PROC: variants seen among roughly 807,000 people sequenced by gnomAD.
PROC encodes the protein protein C, inactivator of coagulation factors Va and VIIIa, also known as vitamin K-dependent protein C.
In PROC, 22 loss-of-function variants were observed where a neutral mutation model predicts 36.3. That is an observed-to-expected ratio of 0.61 (90% CI 0.43 to 0.86). The LOEUF (loss-of-function observed/expected upper bound fraction) is 0.86. Ranked by LOEUF, PROC falls within the 40% of genes least tolerant of loss-of-function variation. The probability of loss-of-function intolerance (pLI) is 0.00; values close to 1 mark genes in which losing one functional copy is unlikely to be tolerated. For synonymous variants in PROC, 218 were observed against 244.5 expected (o/e 0.89, Z 1.01); for missense variants, 526 against 629.7 (o/e 0.84, Z 1.76).
Position 127,422,897 on chromosome 2 carries a change from G to C in PROC, c.238-20G>C. On this transcript the variant is annotated intron_variant, in intron 3 of 8. Coordinates refer to ENST00000234071, the MANE Select transcript of PROC (RefSeq NM_000312.4). The stretch of plus-strand genomic sequence containing the variant: ...CGCACACCGGCTGCAGGAGCCTGAC[G>C]CTGCCCGCTCTCTCCGCAGCTGGCC... 3.9e-6 allele frequency: 6 copies of C among 1,554,922 alleles called. No individual in the cohort carries two copies. Among genetic ancestry groups the C allele is most frequent in the Non-Finnish European group, 5.2e-6 (6 of 1,150,128 alleles).
rs1688249199 is a variant in PROC, at chr2:127,423,316, C to T, written c.443C>T (p.Thr148Met). The change falls in exon 6 of 9, where the codon ACG becomes ATG. Residue 148 changes from threonine (T) to methionine (M), a missense_variant. Coordinates refer to ENST00000234071, the MANE Select transcript of PROC (RefSeq NM_000312.4). The stretch of plus-strand genomic sequence containing the variant: ...TGCTCGCTGGACAACGGCGGCTGCA[C>T]GCATTACTGCCTAGAGGAGGTGGGC... ...LNCSLDNGGC[T>M]HYCLEEVGWR... is the part of the protein sequence containing the mutation. 8 of 1,550,060 alleles carry T rather than the reference C, an allele frequency of 5.2e-6. No individual in the cohort carries two copies. The highest frequency in any genetic ancestry group is 7.0e-6 in the Non-Finnish European group (8 of 1,146,950).
chr2:127,425,064 G>C (rs1047025541), intron 6 of PROC, among the ~76,000 whole-genome samples: 1 of 152,256 alleles, frequency 6.6e-6, no homozygotes, highest in Non-Finnish European at 1.5e-5. Flanking sequence ...ACCTTCTGCA[G>C]GCAGGGAGAG....
At position 127,427,090 on chromosome 2, in the gene PROC, C is replaced by T; in HGVS notation, c.679-15C>T. ...GGAGGCAGCCCTGTGATGTCATCAT[C>T]CCACCCCATTCCAGGTGGTCCTGCT... On this transcript the variant is annotated splice_polypyrimidine_tract_variant and intron_variant, in intron 7 of 8. Coordinates refer to ENST00000234071, the MANE Select transcript of PROC (RefSeq NM_000312.4). The T allele has an allele frequency of 3.1e-6, 5 of 1,609,672 alleles. No homozygotes were observed. Among genetic ancestry groups the T allele is most frequent in the Middle Eastern group, 1.7e-4 (1 of 6,056 alleles).
chr2:127,419,700 C>G, intron 1 of PROC: 1 of 1,069,586 alleles, frequency 9.3e-7, no homozygotes. Flanking sequence ...CCACTGCATT[C>G]TGGAGCTGCT....
chr2:127,419,999 A>G lies in PROC; in HGVS notation c.57A>G (p.Thr19=). Residue 19 remains threonine, a synonymous_variant, in exon 2 of 9, where the codon ACA becomes ACG. Coordinates refer to ENST00000234071, the MANE Select transcript of PROC (RefSeq NM_000312.4). ...TGGCCACCTGGGGAATTTCCGGCAC[A>G]CCAGCTCCTCTTGGTAAGGCCACCC... ...LFVATWGISG[T]PAPLDSVFSS... The G allele has an allele frequency of 6.2e-7, 1 of 1,613,516 alleles. No homozygotes were observed. The highest frequency in any genetic ancestry group is 8.5e-7 in the Non-Finnish European group (1 of 1,179,986).
intron 6 of PROC, among the ~76,000 whole-genome samples, chr2:127,425,569 T>A (rs2069939): frequency 6.6e-6 from 1 of 152,192 alleles, no homozygotes; most frequent in Non-Finnish European, 1.5e-5. Context: ...CTCAGCAGCA[T>A]CCCATTATGA....
At chr2:127,424,680 A>T (rs536609347) in intron 6 of PROC, among the ~76,000 whole-genome samples, 13 of 148,768 alleles carry the variant, frequency 8.7e-5, no homozygotes, top group African/African-American at 3.1e-4. Context: ...CTCTATTTTT[A>T]AAAAAAGTAA....
rs1320467000 is a variant in PROC at position 127,426,675 on chromosome 2, C to CTCTGCAAGGG, written c.679-427_679-418dup. 3.0e-6 allele frequency: 1 copy of CTCTGCAAGGG among 328,966 alleles called. No homozygotes were observed. The highest frequency in any genetic ancestry group is 2.1e-5 in the African/African-American group (1 of 46,796). 20.4% of individuals were successfully genotyped at this position (328,966 alleles called of 1,614,324 possible). A position where few individuals can be genotyped will look rare whatever the true frequency, so the allele number is the denominator to read the frequency against. The stretch of plus-strand genomic sequence containing the variant: ...GGAGTATTTGCCCTGGGGACTCAGA[C>CTCTGCAAGGG]TCTGCAAGGGTCAGGACCCCAAAGA... On this transcript the variant is annotated intron_variant, in intron 7 of 8. Coordinates refer to ENST00000234071, the MANE Select transcript of PROC (RefSeq NM_000312.4). This position sits in a 1 kb window ranked among gnomAD's most constrained non-coding sequence, Gnocchi z 7.0.
rs936924176 is a variant in PROC, at chr2:127,429,240, G to A, written c.*294G>A. 13 of 389,438 alleles carry A rather than the reference G, an allele frequency of 3.3e-5. No homozygotes were observed. The highest frequency in any genetic ancestry group is 8.7e-5 in the South Asian group (3 of 34,596). The allele number at this position is 389,438 out of a possible 1,614,324, so 24.1% of individuals were successfully genotyped here. ...GAAAAAGAATAAAAAACACAACCAC[G>A]AAGCCACTAGAGCCTTTTCCAGGGC... is the stretch of plus-strand genomic sequence containing the variant. On this transcript the variant is annotated 3_prime_UTR_variant, in exon 9 of 9. Coordinates refer to ENST00000234071, the MANE Select transcript of PROC (RefSeq NM_000312.4).
Position 127,418,814 on chromosome 2 carries a change from A to G in PROC, c.-22+322A>G, listed in dbSNP as rs1322396596. On this transcript the variant is annotated intron_variant, in intron 1 of 8. Coordinates refer to ENST00000234071, the MANE Select transcript of PROC (RefSeq NM_000312.4). This position sits in a 1 kb window ranked among gnomAD's most constrained non-coding sequence, Gnocchi z 4.8. ...GGTGTCGGATTTGAACAAATCTCAG[A>G]AGTGGCCTCAGAGGGAGTCGGCAAG... is the stretch of plus-strand genomic sequence containing the variant. 6.6e-6 allele frequency among the ~76,000 whole-genome samples: 1 copy of G among 152,206 alleles called. No individual in the cohort carries two copies. The highest frequency in any genetic ancestry group is 1.5e-5 in the Non-Finnish European group (1 of 68,028).
chr2:127,425,825 T>C (rs753358050), intron 6 of PROC, among the ~76,000 whole-genome samples: 1 of 152,180 alleles, frequency 6.6e-6, no homozygotes, highest in Non-Finnish European at 1.5e-5. Flanking sequence ...TAACAACCTA[T>C]GTAAGGACAC....
chr2:127,428,307 TGGGGAGA>T, intron 8 of PROC, 43 bp from the exon 9 acceptor site: 1 of 1,575,452 alleles, frequency 6.3e-7, no homozygotes, highest in Non-Finnish European at 8.7e-7. Flanking sequence ...AAAGTGCCAC[TGGGGAGA>T]GGCTCCCCGC....
At position 127,423,266 on chromosome 2, in the gene PROC, GC is replaced by G. The variant is rs1163598650; in HGVS notation, c.401-5del. 6.5e-7 allele frequency: 1 copy of G among 1,545,340 alleles called. No homozygotes were observed. Among genetic ancestry groups the G allele is most frequent in the Non-Finnish European group, 8.7e-7 (1 of 1,145,148 alleles). On this transcript the variant is annotated splice_region_variant and splice_polypyrimidine_tract_variant and intron_variant, in intron 5 of 8. Coordinates refer to ENST00000234071, the MANE Select transcript of PROC (RefSeq NM_000312.4). The stretch of plus-strand genomic sequence containing the variant: ...GCACCAGCTGCCCGCGCCCTCCCCT[GC>G]CCGCAGAGGTGAGCTTCCTCAATTG...
intron 2 of PROC, 86 bp from the exon 3 acceptor site, chr2:127,421,197 C>T: frequency 7.0e-7 from 1 of 1,424,256 alleles, no homozygotes. Context: ...CAGGCTCTCC[C>T]AGCTCTGCTT....
In PROC at chr2:127,426,151, CAGAAGACCA is replaced by C. The variant is rs776940957; in HGVS notation, c.614_622del (p.Glu205_Gln207del). Reference sequence around the variant, plus strand: ...AAGCGCAGTCACCTGAAACGAGACACAGAAGACCAAGAAGACCAAGTAGATCCGCGGCTC... The same window carrying C: ...AAGCGCAGTCACCTGAAACGAGACACAGAAGACCAAGTAGATCCGCGGCTC... On this transcript the variant is annotated inframe_deletion, in exon 7 of 9. Transcript: ENST00000234071. This position sits in a 1 kb window ranked among gnomAD's most constrained non-coding sequence, Gnocchi z 7.0. 4 of 1,614,010 alleles carry C rather than the reference CAGAAGACCA, an allele frequency of 2.5e-6. No individual in the cohort carries two copies. Among genetic ancestry groups the C allele is most frequent in the South Asian group, 2.2e-5 (2 of 91,094 alleles).
At position 127,429,005 on chromosome 2, in the gene PROC, T is replaced by G; in HGVS notation, c.*59T>G. ...CAATGGATGGGACATTAAAGGGACATGTAACAAGCACACCGGCCTGCTGTT... is the reference window on the plus strand; with the variant it reads ...CAATGGATGGGACATTAAAGGGACAGGTAACAAGCACACCGGCCTGCTGTT... On this transcript the variant is annotated 3_prime_UTR_variant, in exon 9 of 9. Transcript: ENST00000234071. The G allele has an allele frequency of 6.3e-7, 1 of 1,576,284 alleles. No homozygotes were observed. Among genetic ancestry groups the G allele is most frequent in the Non-Finnish European group, 8.7e-7 (1 of 1,146,780 alleles).
At position 127,419,923 on chromosome 2, in the gene PROC, C is replaced by G. The variant is rs752890313; in HGVS notation, c.-20C>G. ...CCGGAGCTCAGAAGTCCTCCTCAGACAGGTGCCAGTGCCTCCAGAATGTGG... is the reference window on the plus strand; with the variant it reads ...CCGGAGCTCAGAAGTCCTCCTCAGAGAGGTGCCAGTGCCTCCAGAATGTGG... On this transcript the variant is annotated splice_region_variant and 5_prime_UTR_variant, in exon 2 of 9. It introduces an in-frame stop codon into an upstream open reading frame of the 5' UTR. Coordinates refer to ENST00000234071, the MANE Select transcript of PROC (RefSeq NM_000312.4). 9.3e-6 allele frequency: 15 copies of G among 1,613,968 alleles called. No individual in the cohort carries two copies. Among genetic ancestry groups the G allele is most frequent in the Non-Finnish European group, 9.3e-6 (11 of 1,179,998 alleles).
Position 127,426,280 on chromosome 2 carries a change from G to A in PROC, c.678+53G>A. On this transcript the variant is annotated intron_variant, in intron 7 of 8. Coordinates refer to ENST00000234071, the MANE Select transcript of PROC (RefSeq NM_000312.4). This position sits in a 1 kb window ranked among gnomAD's most constrained non-coding sequence, Gnocchi z 7.0. The stretch of plus-strand genomic sequence containing the variant: ...CACGTGCTGGGTCCGGGATCACTGA[G>A]TCCATCCTGGCAGCTATGCTCAGGG... 2.5e-6 allele frequency: 4 copies of A among 1,612,066 alleles called. No individual in the cohort carries two copies. Among genetic ancestry groups the A allele is most frequent in the Non-Finnish European group, 3.4e-6 (4 of 1,178,720 alleles).
intron 2 of PROC, 142 bp downstream of exon 2, chr2:127,420,154 T>C: frequency 1.9e-6 from 2 of 1,058,580 alleles, no homozygotes; most frequent in Non-Finnish European, 2.8e-6. Flanking sequence ...AGGAATCAAC[T>C]GACAAGTCCC....
Sources: gnomAD v4.1 joint callset for allele counts (sites outside exome capture counted in the v4.1 genomes callset) on GRCh38, gnomAD v4.1.1 for gene constraint, Gnocchi (gnomAD v3.1) non-coding constraint, MANE v1.5 for transcripts, NCBI Gene and HGNC (gene_info 2026-07-23, HGNC 2026-07-21) for gene names.